GULP1: variants seen among roughly 807,000 people sequenced by gnomAD.
GULP1 encodes GULP PTB domain containing engulfment adaptor 1.
In GULP1, 19 loss-of-function variants were observed where a neutral mutation model predicts 40.9. That is an observed-to-expected ratio of 0.46 (90% CI 0.32 to 0.68). GULP1 has a LOEUF of 0.68. GULP1 is among the 30% of genes least tolerant of loss of function. The probability of loss-of-function intolerance (pLI) is 0.03; values close to 1 mark genes in which losing one functional copy is unlikely to be tolerated. For synonymous variants in GULP1, 119 were observed against 117.6 expected (o/e 1.01, Z -0.08); for missense variants, 312 against 362.2 (o/e 0.86, Z 1.12).
chr2:188,404,158 CA>C (rs1245377528), intron 2 of GULP1, among the ~76,000 whole-genome samples: 3 of 151,932 alleles, frequency 2.0e-5, no homozygotes, highest in African/African-American at 7.3e-5. Context: ...AAAAAGTGAA[CA>C]AAAAATTTGA....
chr2:188,561,136 C>A (rs1696154606), intron 7 of GULP1, among the ~76,000 whole-genome samples: 1 of 152,160 alleles, frequency 6.6e-6, no homozygotes, highest in South Asian at 2.1e-4. Context: ...GGACGTTAAG[C>A]ATGTCACTGT....
chr2:188,493,382 T>C (rs2062597035), intron 4 of GULP1, among the ~76,000 whole-genome samples: 1 of 152,090 alleles, frequency 6.6e-6, no homozygotes, highest in Non-Finnish European at 1.5e-5. Flanking sequence ...TTTTTATCCT[T>C]ACATTTTAGT....
chr2:188,330,481 G>A (rs4433962), intron 1 of GULP1, among the ~76,000 whole-genome samples: 26,795 of 152,104 alleles, frequency 0.18, 2,435 homozygotes, highest in South Asian at 0.23. Context: ...AACATAAGGA[G>A]TGTTATTGCA....
At chr2:188,587,604 C>T (rs1358975861) in intron 10 of GULP1, among the ~76,000 whole-genome samples, 2 of 152,084 alleles carry the variant, frequency 1.3e-5, no homozygotes, top group African/African-American at 2.4e-5. Context: ...GAAATCTTCA[C>T]TAAAACACAG....
chr2:188,428,502 T>C (rs1026401777), intron 2 of GULP1, among the ~76,000 whole-genome samples: 1 of 152,170 alleles, frequency 6.6e-6, no homozygotes, highest in Non-Finnish European at 1.5e-5. Context: ...TGGTGTCTCA[T>C]GGTTTAACGT....
Position 188,498,511 on chromosome 2 carries a change from A to G in GULP1, c.90+15019A>G, listed in dbSNP as rs183896227. The stretch of plus-strand genomic sequence containing the variant: ...TTTAAGAGCTCTAACAATTCCTGTC[A>G]GAATCAGTTATAAATAGGAAAATAA... On this transcript the variant is annotated intron_variant, in intron 4 of 11. Transcript: ENST00000409830. Among the ~76,000 whole-genome samples, 168 of 152,076 alleles carry G rather than the reference A, an allele frequency of 1.1e-3. 1 individual carries two copies. The highest frequency in any genetic ancestry group is 3.9e-3 in the African/African-American group (162 of 41,538).
intron 1 of GULP1, among the ~76,000 whole-genome samples, chr2:188,321,598 T>G (rs568136089): frequency 6.6e-6 from 1 of 152,300 alleles, no homozygotes; most frequent in African/African-American, 2.4e-5. Context: ...CTTGTATAGA[T>G]GTATTTTTAT....
At chr2:188,406,170 T>C (rs2053067122) in intron 2 of GULP1, among the ~76,000 whole-genome samples, 2 of 152,198 alleles carry the variant, frequency 1.3e-5, no homozygotes, top group African/African-American at 4.8e-5. Flanking sequence ...ATATATCAAA[T>C]AGTATTTTGT....
At chr2:188,438,609 C>T (rs1575250164) in intron 2 of GULP1, among the ~76,000 whole-genome samples, 1 of 150,924 alleles carries the variant, frequency 6.6e-6, no homozygotes, top group African/African-American at 2.4e-5. Context: ...TGCATTATTC[C>T]CAATTCTTTG....
intron 2 of GULP1, among the ~76,000 whole-genome samples, chr2:188,406,796 T>G (rs1291397515): frequency 6.6e-6 from 1 of 151,642 alleles, no homozygotes; most frequent in Admixed American, 6.6e-5. Context: ...GGGAAGAAAA[T>G]TTAAAGAATA....
chr2:188,348,833 C>T (rs1213570741), intron 1 of GULP1, among the ~76,000 whole-genome samples: 1 of 152,046 alleles, frequency 6.6e-6, no homozygotes, highest in African/African-American at 2.4e-5. Flanking sequence ...CCTCCGATAT[C>T]GAAGGATGAC....
intron 7 of GULP1, among the ~76,000 whole-genome samples, chr2:188,549,491 A>G (rs770900124): frequency 1.3e-5 from 2 of 151,852 alleles, no homozygotes; most frequent in African/African-American, 2.4e-5. Context: ...TAAAATCACC[A>G]AATGCTGGTA....
chr2:188,421,438 T>C (rs2055395846), intron 2 of GULP1, among the ~76,000 whole-genome samples: 1 of 152,104 alleles, frequency 6.6e-6, no homozygotes, highest in Admixed American at 6.6e-5. Flanking sequence ...ATATAGGAGA[T>C]TTTTCTTTTA....
At chr2:188,413,093 A>G (rs1394165364) in intron 2 of GULP1, among the ~76,000 whole-genome samples, 1 of 152,208 alleles carries the variant, frequency 6.6e-6, no homozygotes, top group African/African-American at 2.4e-5. Context: ...TTGAAAATTG[A>G]TCATTTTTTC....
chr2:188,335,414 A>G (rs2042131604), intron 1 of GULP1, among the ~76,000 whole-genome samples: 2 of 152,122 alleles, frequency 1.3e-5, no homozygotes, highest in South Asian at 2.1e-4. Flanking sequence ...ACTTCTGAGC[A>G]TATCCAACCC....
At chr2:188,383,634 T>C (rs1444263316) in intron 1 of GULP1, 129 bp from the exon 2 acceptor site, 1 of 152,254 alleles carries the variant, frequency 6.6e-6, no homozygotes, top group Non-Finnish European at 1.5e-5. Context: ...CCCTATTATT[T>C]GGTAACTTTC....
At chr2:188,358,126 A>T (rs1400063762) in intron 1 of GULP1, among the ~76,000 whole-genome samples, 1 of 152,194 alleles carries the variant, frequency 6.6e-6, no homozygotes, top group Non-Finnish European at 1.5e-5. Flanking sequence ...AGTTTCAGTG[A>T]GCCAAGATTG....
At chr2:188,547,242 G>GAAA (rs773467445) in intron 7 of GULP1, among the ~76,000 whole-genome samples, 1 of 120,856 alleles carries the variant, frequency 8.3e-6, no homozygotes, top group African/African-American at 3.0e-5. Flanking sequence ...CTTAGACAAT[G>GAAA]AAAAAAAAAA....
chr2:188,500,096 C>G (rs2063294565), intron 4 of GULP1, among the ~76,000 whole-genome samples: 1 of 151,748 alleles, frequency 6.6e-6, no homozygotes, highest in South Asian at 2.1e-4. Flanking sequence ...GAGCAACATT[C>G]TCATTGAATA....
Sources: allele counts gnomAD v4.1 joint callset (sites outside exome capture counted in the v4.1 genomes callset), GRCh38; gene constraint gnomAD v4.1.1; transcripts MANE v1.5; gene names NCBI Gene and HGNC (gene_info 2026-07-23, HGNC 2026-07-21).